Variants in POLR2F observed in about 807,000 individuals in gnomAD.
POLR2F encodes the protein RNA polymerase II, I and III subunit F, also known as DNA-directed RNA polymerases I, II, and III subunit RPABC2.
POLR2F carries 12 observed loss-of-function variants against 22.7 expected under a neutral mutation model. That is an observed-to-expected ratio of 0.53 (90% CI 0.34 to 0.86). POLR2F has a LOEUF of 0.86. POLR2F is among the 40% of genes least tolerant of loss of function. The pLI is 0.02. For synonymous variants in POLR2F, 57 were observed against 66.0 expected (o/e 0.86, Z 0.66); for missense variants, 126 against 171.5 (o/e 0.73, Z 1.48).
At chr22:37,986,095 A>G, upstream of POLR2F, 1 of 1,460,704 alleles carries the variant, frequency 6.8e-7, no homozygotes, top group Non-Finnish European at 9.0e-7. This position sits in a 1 kb window ranked among gnomAD's most constrained non-coding sequence, Gnocchi z 4.7. Context: ...TTTGTTCGAA[A>G]TACAGGTGAA....
At chr22:38,026,564 C>T in exon 3 of POLR2F, 1 of 335,152 alleles carries the variant, frequency 3.0e-6, no homozygotes, top group Non-Finnish European at 5.9e-6. Flanking sequence ...TCTCTGTCCC[C>T]CAGGGTCACC....
intron 5 of POLR2F, chr22:38,034,339 A>T (rs1420615137): frequency 6.4e-6 from 1 of 157,042 alleles, no homozygotes; most frequent in Non-Finnish European, 1.5e-5. Flanking sequence ...GGCCTGTCAC[A>T]GAGGAGTGGG....
chr22:38,038,222 G>A (rs2145837483), intron 5 of POLR2F, among the ~76,000 whole-genome samples: 1 of 152,346 alleles, frequency 6.6e-6, no homozygotes, highest in East Asian at 1.9e-4. Context: ...CTCCCTGTCA[G>A]TATCAGGAGG....
At chr22:37,977,906 C>T (rs1182986706) in intron 4 of POLR2F, 1 of 1,612,824 alleles carries the variant, frequency 6.2e-7, no homozygotes, top group African/African-American at 1.3e-5. Flanking sequence ...ATGGGGGAGC[C>T]CTCTCCTGGG....
Position 37,959,353 on chromosome 22 carries a change from A to C in POLR2F, c.98A>C (p.Gln33Pro). The change falls in exon 3 of 5, where the codon CAG becomes CCG. Residue 33 changes from glutamine to proline, a missense_variant. Gln to Pro is a moderately conservative substitution (Grantham distance 76, BLOSUM62 -1). Transcript: ENST00000442738. ...TTTTGTCTTGGTGTCCAGGAAGGCC[A>C]GGAGAATGTCGAGATCCTCCCCTCT... ...DDLENAEEEG[Q>P]ENVEILPSGE... The C allele has an allele frequency of 6.2e-7, 1 of 1,613,988 alleles. No individual in the cohort carries two copies. Among genetic ancestry groups the C allele is most frequent in the Non-Finnish European group, 8.5e-7 (1 of 1,179,934 alleles).
chr22:38,026,328 C>T (rs1330733083), exon 3 of POLR2F: 2 of 529,952 alleles, frequency 3.8e-6, no homozygotes, highest in Non-Finnish European at 7.7e-6. Flanking sequence ...TGAAAGAGGC[C>T]AGCAGACCCA....
At chr22:37,994,611 C>T (rs572384699) in intron 1 of POLR2F, among the ~76,000 whole-genome samples, 4 of 152,304 alleles carry the variant, frequency 2.6e-5, no homozygotes, top group African/African-American at 7.2e-5. Context: ...CTCCGCCCCC[C>T]GGGTTCATGC....
At chr22:37,963,481 G>C (rs1281885469) in intron 3 of POLR2F, among the ~76,000 whole-genome samples, 2 of 151,956 alleles carry the variant, frequency 1.3e-5, no homozygotes, top group African/African-American at 4.8e-5. Context: ...GTAGAGACAG[G>C]GTCTCACAAA....
intron 1 of POLR2F, among the ~76,000 whole-genome samples, chr22:38,005,505 A>G (rs2084813109): frequency 6.6e-6 from 1 of 152,224 alleles, no homozygotes; most frequent in South Asian, 2.1e-4. Context: ...GACCTTTAGC[A>G]AGCTCATCCT....
chr22:38,032,856 T>G (rs1447106769), intron 5 of POLR2F: 1 of 159,552 alleles, frequency 6.3e-6, no homozygotes, highest in Non-Finnish European at 1.5e-5. Flanking sequence ...GCAGGAGGGG[T>G]GGCCACGGTG....
intron 3 of POLR2F, among the ~76,000 whole-genome samples, chr22:37,961,899 C>A (rs560359711): frequency 2.6e-5 from 4 of 151,818 alleles, no homozygotes; most frequent in Admixed American, 2.0e-4. Flanking sequence ...TCTGGAGGAG[C>A]GGGGGTAGTT....
At chr22:38,041,222 T>G (rs2145840623), downstream of POLR2F, 1 of 1,492,780 alleles carries the variant, frequency 6.7e-7, no homozygotes, top group East Asian at 2.3e-5. Flanking sequence ...GAGGACACGG[T>G]CTAGACTGAT....
At chr22:37,985,604 T>C (rs942621358), upstream of POLR2F, among the ~76,000 whole-genome samples, 1 of 152,162 alleles carries the variant, frequency 6.6e-6, no homozygotes, top group African/African-American at 2.4e-5. Flanking sequence ...TGGGGTCGCA[T>C]TGGCAACCAT....
chr22:37,967,652 C>T lies in POLR2F; in HGVS notation c.321C>T (p.Arg107=), dbSNP rs1931909879. The change falls in exon 5 of 5, where the codon CGC becomes CGT. Residue 107 remains arginine, a synonymous_variant. Transcript: ENST00000442738. ...LKARKIPIII[R]RYLPDGSYED... ...CCCGAAAGATCCCCATCATCATTCG[C>T]CGTTACCTGCCAGATGGGAGCTATG... The T allele has an allele frequency of 3.7e-6, 6 of 1,614,006 alleles. No homozygotes were observed. Among genetic ancestry groups the T allele is most frequent in the Non-Finnish European group, 5.1e-6 (6 of 1,179,958 alleles).
Position 37,968,659 on chromosome 22 carries a change from G to A in POLR2F, c.*944G>A, listed in dbSNP as rs1931952129. The A allele has an allele frequency of 6.1e-6, 6 of 985,334 alleles. No individual in the cohort carries two copies. Among genetic ancestry groups the A allele is most frequent in the Admixed American group, 6.1e-5 (1 of 16,264 alleles). The allele number at this position is 985,334 out of a possible 1,614,324, so 61.0% of individuals were successfully genotyped here. A position where few individuals can be genotyped will look rare whatever the true frequency, so the allele number is the denominator to read the frequency against. ...TCCTCCCTCCTAGAGGGGGTCAGGG[G>A]GAGGGTGTATATTGACATGAACAGG... On this transcript the variant is annotated 3_prime_UTR_variant, in exon 5 of 5. Transcript: ENST00000442738.
At chr22:38,028,902 C>T (rs758165557), downstream of POLR2F, among the ~76,000 whole-genome samples, 1 of 152,242 alleles carries the variant, frequency 6.6e-6, no homozygotes, top group East Asian at 1.9e-4. Flanking sequence ...AAAGGCCCTG[C>T]AAGCCCCGGC....
At chr22:38,026,520 G>T in exon 3 of POLR2F, 4 of 344,618 alleles carry the variant, frequency 1.2e-5, no homozygotes, top group Admixed American at 3.8e-5. Flanking sequence ...GCAGAGGAGG[G>T]AAGGCGGGAT....
At chr22:37,961,900 G>A (rs1195640490) in intron 3 of POLR2F, among the ~76,000 whole-genome samples, 4 of 151,996 alleles carry the variant, frequency 2.6e-5, no homozygotes, top group African/African-American at 4.8e-5. Flanking sequence ...CTGGAGGAGC[G>A]GGGGTAGTTC....
intron 5 of POLR2F, among the ~76,000 whole-genome samples, chr22:38,036,905 C>A (rs997884951): frequency 8.5e-5 from 13 of 152,166 alleles, no homozygotes; most frequent in Admixed American, 4.6e-4. Context: ...AACATTCTTT[C>A]CCCAGACATC....
Sources: gnomAD v4.1 joint callset for allele counts (sites outside exome capture counted in the v4.1 genomes callset) on GRCh38, gnomAD v4.1.1 for gene constraint, Gnocchi (gnomAD v3.1) non-coding constraint, MANE v1.5 for transcripts, NCBI Gene and HGNC (gene_info 2026-07-23, HGNC 2026-07-21) for gene names.